Variants in RNF180 observed in about 807,000 individuals in gnomAD.
RNF180 encodes the protein ring finger protein 180, also known as E3 ubiquitin-protein ligase RNF180.
RNF180 carries 38 observed loss-of-function variants against 59.2 expected under a neutral mutation model. The ratio of observed to expected loss-of-function variants is 0.64; its 90% CI spans 0.50 to 0.84. The LOEUF (loss-of-function observed/expected upper bound fraction) is 0.84. Ranked by LOEUF, RNF180 falls within the 40% of genes least tolerant of loss-of-function variation. The probability of loss-of-function intolerance (pLI) is 0.00; values close to 1 mark genes in which losing one functional copy is unlikely to be tolerated. For missense variants in RNF180, 705 were observed against 700.9 expected, an observed-to-expected ratio of 1.01 and a Z score of -0.07; for synonymous variants, 262 against 240.3, an observed-to-expected ratio of 1.09 and a Z score of -0.84.
rs556034552 is a variant in RNF180 at position 64,194,729 on chromosome 5, G to A, written c.1-6079G>A. ...GTGTGAGATGGTATCTCGTTGTTTT[G>A]ATTTGCATTTCTCTGTTGGCCAGTG... On this transcript the variant is annotated intron_variant, in intron 1 of 7. Transcript: ENST00000389100. Among the ~76,000 whole-genome samples the A allele has an allele frequency of 3.3e-5, 5 of 152,212 alleles. No homozygotes were observed. The South Asian group carries it at 1.0e-3, about 32-fold the overall frequency.
At chr5:64,332,232 G>T (rs1426903440) in intron 7 of RNF180, among the ~76,000 whole-genome samples, 1 of 152,174 alleles carries the variant, frequency 6.6e-6, no homozygotes, top group Non-Finnish European at 1.5e-5. Context: ...TCTGGCTGGT[G>T]AAGTGACACC....
chr5:64,172,280 G>T lies in RNF180; in HGVS notation c.-1+6327G>T, dbSNP rs562488028. ...CAGTGCCTGCTTTAATGTACAAAAAGGATTACAGGTTTTGAATCATTGGGC... is the reference window on the plus strand; with the variant it reads ...CAGTGCCTGCTTTAATGTACAAAAATGATTACAGGTTTTGAATCATTGGGC... On this transcript the variant is annotated intron_variant, in intron 1 of 7. Coordinates refer to ENST00000389100, the MANE Select transcript of RNF180 (RefSeq NM_001113561.2). Among the ~76,000 whole-genome samples the T allele has an allele frequency of 2.0e-5, 3 of 152,224 alleles. No individual in the cohort carries two copies. The East Asian group carries it at 5.8e-4, about 29-fold the overall frequency.
Position 64,342,192 on chromosome 5 carries a change from G to T in RNF180, c.1579+11786G>T, listed in dbSNP as rs190027449. On this transcript the variant is annotated intron_variant, in intron 7 of 7. Transcript: ENST00000389100. ...CACTCTCAGTGGCAATAACTGGGGG[G>T]AAATTATAAGTTACAAAAATCACAT... 2.3e-3 allele frequency among the ~76,000 whole-genome samples: 352 copies of T among 152,184 alleles called. 2 individuals carry two copies. Among genetic ancestry groups the T allele is most frequent in the African/African-American group, 7.8e-3 (324 of 41,522 alleles).
intron 5 of RNF180, among the ~76,000 whole-genome samples, chr5:64,315,734 C>CA (rs869200360): frequency 0.096 from 4,968 of 51,954 alleles, 249 homozygotes; most frequent in African/African-American, 0.17. Flanking sequence ...GTAACTGTCT[C>CA]AAAAAAAAAA....
intron 7 of RNF180, among the ~76,000 whole-genome samples, chr5:64,346,706 G>A (rs979381543): frequency 6.6e-6 from 1 of 151,922 alleles, no homozygotes; most frequent in African/African-American, 2.4e-5. Flanking sequence ...CCTTGACTAA[G>A]TCCCAATGCC....
intron 1 of RNF180, among the ~76,000 whole-genome samples, chr5:64,197,695 G>T (rs1751527761): frequency 6.6e-6 from 1 of 152,170 alleles, no homozygotes; most frequent in African/African-American, 2.4e-5. Flanking sequence ...GATGGCTGAT[G>T]ATGATCTTGA....
intron 1 of RNF180, among the ~76,000 whole-genome samples, chr5:64,185,470 ATT>A (rs1347026081): frequency 6.6e-6 from 1 of 152,230 alleles, no homozygotes; most frequent in African/African-American, 2.4e-5. Flanking sequence ...TAGGACAAGC[ATT>A]TTGATTCAAC....
chr5:64,169,830 A>C (rs1749843564), intron 1 of RNF180, among the ~76,000 whole-genome samples: 1 of 152,248 alleles, frequency 6.6e-6, no homozygotes, highest in African/African-American at 2.4e-5. Flanking sequence ...ATAGCATTGC[A>C]GTAGAATCTT....
chr5:64,184,585 T>C (rs1750781270), intron 1 of RNF180, among the ~76,000 whole-genome samples: 1 of 152,206 alleles, frequency 6.6e-6, no homozygotes, highest in South Asian at 2.1e-4. Flanking sequence ...TCTTTCTCTT[T>C]TTAAATTCAT....
intron 5 of RNF180, among the ~76,000 whole-genome samples, chr5:64,248,272 T>G (rs1743319369): frequency 6.6e-6 from 1 of 152,070 alleles, no homozygotes. Flanking sequence ...CTAATTAAAC[T>G]AAAGAGCTTC....
At position 64,371,734 on chromosome 5, in the gene RNF180, G is replaced by A. The variant is rs1200216844; in HGVS notation, c.*1920G>A. The A allele has an allele frequency of 6.6e-6, 1 of 151,412 alleles. No homozygotes were observed. The highest frequency in any genetic ancestry group is 1.5e-5 in the Non-Finnish European group (1 of 67,636). 9.4% of individuals were successfully genotyped at this position (151,412 alleles called of 1,614,324 possible). On this transcript the variant is annotated 3_prime_UTR_variant, in exon 8 of 8. Transcript: ENST00000389100. ...TGAAAATTATAGAATATTAAAAGAAGTAAATTCATAAAATTATAAATTACT... is the reference window on the plus strand; with the variant it reads ...TGAAAATTATAGAATATTAAAAGAAATAAATTCATAAAATTATAAATTACT...
intron 5 of RNF180, among the ~76,000 whole-genome samples, chr5:64,245,786 C>G (rs1743116069): frequency 6.6e-6 from 1 of 152,184 alleles, no homozygotes; most frequent in Non-Finnish European, 1.5e-5. Flanking sequence ...ATCTACAGAA[C>G]TTTCCACCCC....
At chr5:64,254,212 T>G (rs976133490) in intron 5 of RNF180, among the ~76,000 whole-genome samples, 2 of 152,188 alleles carry the variant, frequency 1.3e-5, no homozygotes, top group Admixed American at 1.3e-4. Context: ...GCTAAACCTT[T>G]CAAGTCCACC....
intron 5 of RNF180, among the ~76,000 whole-genome samples, chr5:64,313,027 G>C (rs1743853021): frequency 6.6e-6 from 1 of 152,018 alleles, no homozygotes; most frequent in Non-Finnish European, 1.5e-5. Context: ...CAGACTTTGG[G>C]TATTTTCAGA....
At chr5:64,312,866 C>T (rs1743842931) in intron 5 of RNF180, among the ~76,000 whole-genome samples, 1 of 152,024 alleles carries the variant, frequency 6.6e-6, no homozygotes, top group Non-Finnish European at 1.5e-5. Context: ...TCTAGTAGCT[C>T]TTCTCATTTT....
intron 5 of RNF180, among the ~76,000 whole-genome samples, chr5:64,250,737 C>CT (rs1638471887): frequency 6.6e-6 from 1 of 152,076 alleles, no homozygotes; most frequent in African/African-American, 2.4e-5. Context: ...AAAGAAAAGC[C>CT]TAGGACCTGA....
chr5:64,285,582 T>A (rs1742239681), intron 5 of RNF180, among the ~76,000 whole-genome samples: 1 of 152,096 alleles, frequency 6.6e-6, no homozygotes, highest in South Asian at 2.1e-4. Context: ...TTAGGTGCAC[T>A]CTGCCAGTGA....
chr5:64,324,054 A>G (rs1024971416), intron 5 of RNF180, among the ~76,000 whole-genome samples: 4 of 152,162 alleles, frequency 2.6e-5, no homozygotes, highest in Non-Finnish European at 5.9e-5. Flanking sequence ...AACACCACCA[A>G]TTTTACCATA....
chr5:64,337,018 T>TTTG (rs1745156059), intron 7 of RNF180, among the ~76,000 whole-genome samples: 1 of 151,754 alleles, frequency 6.6e-6, no homozygotes, highest in Admixed American at 6.6e-5. Flanking sequence ...TTTTTTTGTT[T>TTTG]TTGTTTTTGT....
Sources: gnomAD v4.1 joint callset for allele counts (sites outside exome capture counted in the v4.1 genomes callset) on GRCh38, gnomAD v4.1.1 for gene constraint, MANE v1.5 for transcripts, NCBI Gene and HGNC (gene_info 2026-07-23, HGNC 2026-07-21) for gene names.